VWF: variants seen among roughly 807,000 people sequenced by gnomAD.
VWF encodes the protein Factor VIII related antigen.
In VWF, 176 loss-of-function variants were observed where a neutral mutation model predicts 308.6. That is an observed-to-expected ratio of 0.57 (90% CI 0.50 to 0.65). VWF has a LOEUF of 0.65. VWF is among the 30% of genes least tolerant of loss of function. The probability of loss-of-function intolerance (pLI) is 0.00; values close to 1 mark genes in which losing one functional copy is unlikely to be tolerated. For missense variants in VWF, 3,146 were observed against 3,648.2 expected, an observed-to-expected ratio of 0.86 and a Z score of 3.55; for synonymous variants, 1,385 against 1,443.4, an observed-to-expected ratio of 0.96 and a Z score of 0.92.
intron 10 of VWF, among the ~76,000 whole-genome samples, chr12:6,065,478 G>A (rs1944703811): frequency 6.6e-6 from 1 of 152,178 alleles, no homozygotes; most frequent in Non-Finnish European, 1.5e-5. Flanking sequence ...GGTCATTCAG[G>A]TCAAGGCCTC....
intron 38 of VWF, among the ~76,000 whole-genome samples, 200 bp downstream of exon 38, chr12:5,991,619 T>C (rs1268648975): frequency 6.6e-6 from 1 of 152,216 alleles, no homozygotes; most frequent in East Asian, 1.9e-4. Flanking sequence ...CCACAGATAA[T>C]ACATGACAGA....
intron 3 of VWF, among the ~76,000 whole-genome samples, chr12:6,119,340 T>C (rs1475422806): frequency 1.3e-5 from 2 of 152,242 alleles, no homozygotes. Flanking sequence ...CCCAGTGATC[T>C]GTTTGTCACA....
At chr12:6,040,458 T>C (rs1047898444) in intron 18 of VWF, among the ~76,000 whole-genome samples, 9 of 152,168 alleles carry the variant, frequency 5.9e-5, no homozygotes, top group Admixed American at 5.9e-4. Flanking sequence ...TAATAGTTAG[T>C]GGTCATTAAA....
intron 38 of VWF, among the ~76,000 whole-genome samples, chr12:5,988,608 T>C (rs1278742820): frequency 1.3e-5 from 2 of 152,176 alleles, no homozygotes; most frequent in Non-Finnish European, 1.5e-5. Context: ...CGCTGGGGAT[T>C]TTCATTTCCC....
At chr12:5,950,787 C>A (rs1943182072) in intron 50 of VWF, among the ~76,000 whole-genome samples, 2 of 152,120 alleles carry the variant, frequency 1.3e-5, no homozygotes, top group Admixed American at 1.3e-4. Context: ...AACAAAGACC[C>A]TTTGTGGTGG....
chr12:6,033,222 A>C (rs1944292697), intron 20 of VWF, among the ~76,000 whole-genome samples: 1 of 152,244 alleles, frequency 6.6e-6, no homozygotes, highest in African/African-American at 2.4e-5. Flanking sequence ...TCTTCAGCTG[A>C]GATTTCTGAA....
At chr12:6,030,408 G>T (rs1371414603) in intron 21 of VWF, among the ~76,000 whole-genome samples, 1 of 152,192 alleles carries the variant, frequency 6.6e-6, no homozygotes, top group Non-Finnish European at 1.5e-5. Flanking sequence ...TGCTGTCAAT[G>T]GTGGGTATTT....
In VWF at chr12:5,949,018, C is replaced by G. The variant is rs138263930; in HGVS notation, c.8439G>C (p.Lys2813Asn). 2 of 1,612,674 alleles carry G rather than the reference C, an allele frequency of 1.2e-6. No individual in the cohort carries two copies. Among genetic ancestry groups the G allele is most frequent in the Non-Finnish European group, 1.7e-6 (2 of 1,179,438 alleles). ...CACCCATGCAGCTGCAGCAGCCTCA[C>G]TTGCTGCACTTCCTGGGGGAGCATT... Reference protein sequence around the residue: ...ECKCSPRKCSK With the variant: ...ECKCSPRKCSN Residue 2813 changes from lysine (K) to asparagine (N), a missense_variant, in exon 52 of 52, where the codon AAG becomes AAC. This residue lies in a region of VWF where 989 missense variants were observed against 1,117.4 expected (regional missense o/e 0.89). Transcript: ENST00000261405.
intron 6 of VWF, among the ~76,000 whole-genome samples, chr12:6,077,122 C>T (rs899297227): frequency 2.0e-5 from 3 of 152,164 alleles, no homozygotes; most frequent in Admixed American, 6.5e-5. Flanking sequence ...CCAGCCTGGC[C>T]AATATGGTGA....
At chr12:6,025,877 G>T (rs779511588) in intron 23 of VWF, 29 bp downstream of exon 23, 2 of 1,613,776 alleles carry the variant, frequency 1.2e-6, no homozygotes, top group Non-Finnish European at 1.7e-6. Flanking sequence ...AAGCTCTAGG[G>T]CTCTGTCCAC....
intron 34 of VWF, among the ~76,000 whole-genome samples, chr12:6,000,611 T>C (rs1216760204): frequency 6.6e-6 from 1 of 150,944 alleles, no homozygotes; most frequent in Non-Finnish European, 1.5e-5. Context: ...ATGGAGACCA[T>C]CCCGGCTAAC....
chr12:6,063,321 G>T lies in VWF; in HGVS notation c.1433-267C>A, dbSNP rs1295221455. Among the ~76,000 whole-genome samples, 4 of 152,116 alleles carry T rather than the reference G, an allele frequency of 2.6e-5. No homozygotes were observed. Among genetic ancestry groups the T allele is most frequent in the Non-Finnish European group, 5.9e-5 (4 of 68,028 alleles). On this transcript the variant is annotated intron_variant, in intron 12 of 51. Coordinates refer to ENST00000261405, the MANE Select transcript of VWF (RefSeq NM_000552.5). The surrounding 1 kb of genome is among the most constrained non-coding windows in gnomAD (Gnocchi z 4.9). ...CCATTCCCCCTACTGCCACAGGAGGGAGGCAGAGGCTCCTGCATCCTGGGC... is the reference window on the plus strand; with the variant it reads ...CCATTCCCCCTACTGCCACAGGAGGTAGGCAGAGGCTCCTGCATCCTGGGC...
At chr12:6,106,564 CA>C (rs1209857497) in intron 5 of VWF, among the ~76,000 whole-genome samples, 2 of 152,030 alleles carry the variant, frequency 1.3e-5, no homozygotes, top group Non-Finnish European at 2.9e-5. Context: ...GAACTATATA[CA>C]TAAAAATGGT....
chr12:6,121,761 T>C (rs1278115733), intron 2 of VWF, among the ~76,000 whole-genome samples: 1 of 152,004 alleles, frequency 6.6e-6, no homozygotes, highest in Non-Finnish European at 1.5e-5. Context: ...CGAAACCCTG[T>C]CTCTACTAAA....
At chr12:5,990,182 C>A (rs1314431655) in intron 38 of VWF, among the ~76,000 whole-genome samples, 1 of 152,144 alleles carries the variant, frequency 6.6e-6, no homozygotes, top group Admixed American at 6.5e-5. Flanking sequence ...TAAGTAATAG[C>A]CCTAATGGAT....
chr12:5,967,389 G>T, intron 47 of VWF, 97 bp downstream of exon 47: 1 of 994,412 alleles, frequency 1.0e-6, no homozygotes. Flanking sequence ...AGAAAATAAT[G>T]AGAGATTTAT....
intron 20 of VWF, among the ~76,000 whole-genome samples, chr12:6,032,987 T>A (rs11613839): frequency 6.7e-6 from 1 of 150,334 alleles, no homozygotes; most frequent in Non-Finnish European, 1.5e-5. Flanking sequence ...CACACGCACA[T>A]GCATACACCC....
rs375752909 is a variant in VWF, at chr12:6,110,977, G to T, written c.221-9C>A. ...GCCATTCTGGAAGTCCCCTGAAAGA[G>T]AAAAAAGTCAATAGTAGTGATTATT... On this transcript the variant is annotated splice_polypyrimidine_tract_variant and intron_variant, in intron 3 of 51. Coordinates refer to ENST00000261405, the MANE Select transcript of VWF (RefSeq NM_000552.5). The T allele has an allele frequency of 1.9e-6, 3 of 1,609,692 alleles. No individual in the cohort carries two copies. The highest frequency in any genetic ancestry group is 2.7e-5 in the African/African-American group (2 of 74,802).
chr12:6,054,448 ACTTT>A (rs1944554334), intron 15 of VWF, among the ~76,000 whole-genome samples: 1 of 152,136 alleles, frequency 6.6e-6, no homozygotes, highest in Non-Finnish European at 1.5e-5. Context: ...AGACTTGAGA[ACTTT>A]CTTTGTTCTG....
Sources: gnomAD v4.1 joint callset for allele counts (sites outside exome capture counted in the v4.1 genomes callset) on GRCh38, gnomAD v4.1.1 for gene constraint, gnomAD v4.1.1 regional missense constraint, Gnocchi (gnomAD v3.1) non-coding constraint, MANE v1.5 for transcripts, NCBI Gene and HGNC (gene_info 2026-07-23, HGNC 2026-07-21) for gene names.